Variants in GNG7 observed in about 807,000 individuals in gnomAD.
GNG7 encodes the protein G protein subunit gamma 7.
A neutral mutation model predicts 4.0 loss-of-function variants in GNG7; 1 was observed. That is an observed-to-expected ratio of 0.25 (90% CI 0.09 to 1.18). GNG7 has a LOEUF of 1.18. GNG7 is among the 50% of genes most tolerant of loss of function. GNG7 has a pLI of 0.50. For synonymous variants in GNG7, 34 were observed against 36.9 expected, an observed-to-expected ratio of 0.92 and a Z score of 0.29; for missense variants, 86 against 91.9, an observed-to-expected ratio of 0.94 and a Z score of 0.26.
intron 1 of GNG7, among the ~76,000 whole-genome samples, chr19:2,651,900 T>A (rs1982841095): frequency 6.6e-6 from 1 of 151,486 alleles, no homozygotes. Context: ...ATAGGCCGGG[T>A]GCAGTGGCTC....
rs1408633280 is a variant in GNG7, at chr19:2,655,858, AAAT to A, written c.-134-9581_-134-9579del. 1.0e-3 allele frequency among the ~76,000 whole-genome samples: 140 copies of A among 140,388 alleles called. 3 individuals are homozygous for A. Among genetic ancestry groups the A allele is most frequent in the African/African-American group, 3.8e-3 (134 of 34,912 alleles). 92.1% of individuals were successfully genotyped at this position (140,388 alleles called of 152,430 possible). ...CGTCTGAAAAAAAAAAAAAAAAAAA[AAAT>A]ACATATATATATAAATTAGCCAGGC... On this transcript the variant is annotated intron_variant, in intron 1 of 4. Coordinates refer to ENST00000382159, the MANE Select transcript of GNG7 (RefSeq NM_052847.3).
chr19:2,637,433 C>T (rs1200287944), intron 2 of GNG7, among the ~76,000 whole-genome samples: 1 of 152,154 alleles, frequency 6.6e-6, no homozygotes, highest in Non-Finnish European at 1.5e-5. Flanking sequence ...CGCTCTCCTC[C>T]CCGTCCGTCC....
At chr19:2,518,845 G>A (rs963983320) in intron 4 of GNG7, among the ~76,000 whole-genome samples, 12 of 152,136 alleles carry the variant, frequency 7.9e-5, no homozygotes, top group African/African-American at 2.9e-4. Flanking sequence ...CTTGGGGTTG[G>A]AGGGCAGTGG....
chr19:2,553,125 C>CA (rs36098274), intron 3 of GNG7, among the ~76,000 whole-genome samples: 52,454 of 112,282 alleles, frequency 0.47, 10,816 homozygotes, highest in Admixed American at 0.54. Flanking sequence ...AAAGCAAAAC[C>CA]AAAAAAAAAA....
At chr19:2,556,912 A>G (rs1599389100) in intron 2 of GNG7, among the ~76,000 whole-genome samples, 1 of 152,148 alleles carries the variant, frequency 6.6e-6, no homozygotes, top group East Asian at 1.9e-4. Flanking sequence ...GTCCCCAGAC[A>G]CTGCCCCGGG....
chr19:2,654,233 C>T (rs914923288), intron 1 of GNG7, among the ~76,000 whole-genome samples: 14 of 152,108 alleles, frequency 9.2e-5, no homozygotes, highest in African/African-American at 3.1e-4. Context: ...TTTTCTGACG[C>T]ATACCCTCCC....
intron 3 of GNG7, among the ~76,000 whole-genome samples, chr19:2,551,675 A>T (rs1979337185): frequency 1.1e-5 from 1 of 89,082 alleles, no homozygotes; most frequent in South Asian, 3.1e-4. Context: ...TATTTAAAAA[A>T]TATATATATA....
At chr19:2,567,646 A>G (rs1468225159) in intron 2 of GNG7, among the ~76,000 whole-genome samples, 3 of 151,982 alleles carry the variant, frequency 2.0e-5, no homozygotes, top group African/African-American at 7.2e-5. Flanking sequence ...GTCGTATCCT[A>G]CTTAGGCACT....
intron 3 of GNG7, among the ~76,000 whole-genome samples, chr19:2,525,294 G>A (rs1464594977): frequency 6.6e-6 from 1 of 152,192 alleles, no homozygotes; most frequent in Non-Finnish European, 1.5e-5. Context: ...CTGACGGTCG[G>A]GCTCTGCCTC....
At chr19:2,534,438 G>A (rs941084144) in intron 3 of GNG7, among the ~76,000 whole-genome samples, 2 of 152,202 alleles carry the variant, frequency 1.3e-5, no homozygotes, top group Non-Finnish European at 1.5e-5. Flanking sequence ...CAAAAATCAA[G>A]GCTTATTGTT....
chr19:2,560,133 G>A (rs1052665750), intron 2 of GNG7, among the ~76,000 whole-genome samples: 31 of 152,278 alleles, frequency 2.0e-4, no homozygotes, highest in African/African-American at 6.0e-4. Flanking sequence ...CTCTCTCTGC[G>A]TGTCCAAGGA....
chr19:2,586,984 CAAAAAAAAAAAA>C (rs756891397), intron 2 of GNG7, among the ~76,000 whole-genome samples: 3 of 48,728 alleles, frequency 6.2e-5, no homozygotes, highest in Non-Finnish European at 1.2e-4. Context: ...GACTCCATCT[CAAAAAAAAAAAA>C]AAAAAAAAAA....
intron 3 of GNG7, among the ~76,000 whole-genome samples, chr19:2,527,900 T>G (rs1331604374): frequency 2.0e-5 from 3 of 152,088 alleles, no homozygotes; most frequent in African/African-American, 7.2e-5. Context: ...ATCCTGCAGC[T>G]CAGAGTGGTT....
chr19:2,595,515 C>T (rs919115601), intron 2 of GNG7, among the ~76,000 whole-genome samples: 1 of 151,956 alleles, frequency 6.6e-6, no homozygotes. Flanking sequence ...GGGTGGATTG[C>T]CTGAGCTCAG....
Position 2,572,413 on chromosome 19 carries a change from C to T in GNG7, c.-77-17225G>A, listed in dbSNP as rs1003176807. On this transcript the variant is annotated intron_variant, in intron 2 of 4. Coordinates refer to ENST00000382159, the MANE Select transcript of GNG7 (RefSeq NM_052847.3). ...CTTCACAGAGCTGTGCAACCATCAA[C>T]ACTACGTAGTTCCAACACTTTTTCT... 5.3e-5 allele frequency among the ~76,000 whole-genome samples: 8 copies of T among 152,054 alleles called. No individual in the cohort carries two copies. The South Asian group carries it at 1.7e-3, about 32-fold the overall frequency.
intron 3 of GNG7, among the ~76,000 whole-genome samples, chr19:2,539,323 T>TG (rs148787848): frequency 0.33 from 49,194 of 147,460 alleles, 8,263 homozygotes; most frequent in African/African-American, 0.43. Context: ...TTTTTTTTTT[T>TG]GGATGGTGTT....
intron 1 of GNG7, among the ~76,000 whole-genome samples, chr19:2,685,892 G>A (rs1983858637): frequency 1.3e-5 from 2 of 152,122 alleles, no homozygotes; most frequent in Admixed American, 6.5e-5. Context: ...CAAAACAAAG[G>A]GCCCCATTCA....
In GNG7 at chr19:2,609,010, TTCTCTCTCTCTC is replaced by T. The variant is rs3064559; in HGVS notation, c.-78+37202_-78+37213del. ...ATCATGCCTACCTAGTTCTTGTACA[TTCTCTCTCTCTC>T]TCTCTCTCTCTTTTTTTGTTTTGAG... is the stretch of plus-strand genomic sequence containing the variant. On this transcript the variant is annotated intron_variant, in intron 2 of 4. Transcript: ENST00000382159. The surrounding 1 kb of genome is among the most constrained non-coding windows in gnomAD (Gnocchi z 4.4). 3.2e-4 allele frequency among the ~76,000 whole-genome samples: 48 copies of T among 149,438 alleles called. 1 individual carries two copies. The South Asian group carries it at 0.01, about 32-fold the overall frequency.
intron 1 of GNG7, among the ~76,000 whole-genome samples, chr19:2,682,255 C>T (rs552229320): frequency 1.3e-5 from 2 of 152,254 alleles, no homozygotes; most frequent in East Asian, 1.9e-4. Context: ...TAATCAACTC[C>T]ACAGCTAGAA....
Sources: gnomAD v4.1 joint callset for allele counts (sites outside exome capture counted in the v4.1 genomes callset) on GRCh38, gnomAD v4.1.1 for gene constraint, Gnocchi (gnomAD v3.1) non-coding constraint, MANE v1.5 for transcripts, NCBI Gene and HGNC (gene_info 2026-07-23, HGNC 2026-07-21) for gene names.